RBL1: variants seen among roughly 807,000 people sequenced by gnomAD.
RBL1 encodes the protein RB transcriptional corepressor like 1, also known as retinoblastoma-like protein 1.
Under a neutral mutation model 123.0 loss-of-function variants are expected in RBL1, and 82 were observed. That is an observed-to-expected ratio of 0.67 (90% CI 0.56 to 0.80). The LOEUF is 0.80. RBL1 is among the 30% of genes least tolerant of loss of function. The pLI, the probability that RBL1 is intolerant of heterozygous loss-of-function variation, is 0.00. For missense variants in RBL1, 1,171 were observed against 1,299.6 expected, an observed-to-expected ratio of 0.90 and a Z score of 1.52; for synonymous variants, 405 against 441.3, an observed-to-expected ratio of 0.92 and a Z score of 1.03.
At position 37,079,201 on chromosome 20, in the gene RBL1, GC is replaced by G. The variant is rs1415148170; in HGVS notation, c.290+9787del. On this transcript the variant is annotated intron_variant, in intron 2 of 21. Coordinates refer to ENST00000373664, the MANE Select transcript of RBL1 (RefSeq NM_002895.5). ...TGCCACAGAGTAAGACCCTGTCTCAGCCAAAAAAAAAAAAAAAAAACCCTCA... is the reference window on the plus strand; with the variant it reads ...TGCCACAGAGTAAGACCCTGTCTCAGCAAAAAAAAAAAAAAAAAACCCTCA... Among the ~76,000 whole-genome samples the G allele has an allele frequency of 4.8e-5, 4 of 84,128 alleles. No individual in the cohort carries two copies. The South Asian group carries it at 1.1e-3, about 24-fold the overall frequency. The allele number at this position is 84,128 out of a possible 152,430, so 55.2% of individuals were successfully genotyped here.
At position 37,007,267 on chromosome 20, in the gene RBL1, A is replaced by G. The variant is rs2064090093; in HGVS notation, c.2871+144T>C. The G allele has an allele frequency of 3.1e-5, 26 of 833,998 alleles. No individual in the cohort carries two copies. In the South Asian group the frequency reaches 4.6e-4, roughly 15 times the overall value. The allele number at this position is 833,998 out of a possible 1,614,324, so 51.7% of individuals were successfully genotyped here. A position where few individuals can be genotyped will look rare whatever the true frequency, so the allele number is the denominator to read the frequency against. ...TTTCCTCTGGTCTCTGTTGTACCAT[A>G]GCCTTAATCACTGATTAAGTTACTG... On this transcript the variant is annotated intron_variant, in intron 20 of 21. Coordinates refer to ENST00000373664, the MANE Select transcript of RBL1 (RefSeq NM_002895.5).
intron 12 of RBL1, 100 bp from the exon 13 acceptor site, chr20:37,044,350 T>C (rs937584027): frequency 1.4e-5 from 17 of 1,223,068 alleles, no homozygotes; most frequent in Admixed American, 9.5e-5. Flanking sequence ...TCTTCTTCTT[T>C]TTTTTGAGAC....
intron 19 of RBL1, among the ~76,000 whole-genome samples, chr20:37,011,523 C>CA (rs2064147703): frequency 6.6e-6 from 1 of 151,260 alleles, no homozygotes; most frequent in Admixed American, 6.6e-5. Flanking sequence ...CAACCTCAGC[C>CA]CCCAGGGTTC....
At chr20:37,001,842 T>C (rs1252700677) in intron 21 of RBL1, among the ~76,000 whole-genome samples, 3 of 145,916 alleles carry the variant, frequency 2.1e-5, no homozygotes, top group African/African-American at 7.6e-5. Flanking sequence ...TTTCCTACCC[T>C]GTGAACTAAG....
chr20:37,036,907 G>C (rs921641446), intron 14 of RBL1, among the ~76,000 whole-genome samples: 10 of 152,144 alleles, frequency 6.6e-5, no homozygotes, highest in Admixed American at 3.3e-4. Flanking sequence ...TTACAGGCGT[G>C]AGCCACTGCG....
Position 37,066,866 on chromosome 20 carries a change from TG to T in RBL1, c.703del (p.His235IlefsTer27). On this transcript the variant is annotated frameshift_variant, in exon 6 of 22. Transcript: ENST00000373664. LOFTEE classifies it high-confidence loss of function. ...PSFKGLPSDF[H>X]TADFTASEEP... ...TTCAGAAGCCGTAAAGTCAGCAGTA[TG>T]AAAATCAGATGGTAAACCTAGTTTG... 6.2e-7 allele frequency: 1 copy of T among 1,613,480 alleles called. No individual in the cohort carries two copies. Among genetic ancestry groups the T allele is most frequent in the Non-Finnish European group, 8.5e-7 (1 of 1,179,886 alleles).
At chr20:37,047,640 T>A (rs1350615637) in intron 11 of RBL1, among the ~76,000 whole-genome samples, 1 of 152,032 alleles carries the variant, frequency 6.6e-6, no homozygotes, top group Non-Finnish European at 1.5e-5. Flanking sequence ...TTAATATAAG[T>A]TTTCAGTTTT....
intron 9 of RBL1, among the ~76,000 whole-genome samples, chr20:37,058,802 G>A (rs2065052753): frequency 6.8e-6 from 1 of 148,110 alleles, no homozygotes; most frequent in Non-Finnish European, 1.5e-5. Flanking sequence ...TCGCTCTGTT[G>A]CCCAGGCTAG....
chr20:37,009,034 T>C (rs1321177603), intron 19 of RBL1, among the ~76,000 whole-genome samples: 1 of 152,086 alleles, frequency 6.6e-6, no homozygotes, highest in East Asian at 1.9e-4. Context: ...AAACACTTTT[T>C]TTTTTTTTGA....
intron 11 of RBL1, among the ~76,000 whole-genome samples, chr20:37,050,183 G>T (rs2064885751): frequency 6.6e-6 from 1 of 152,022 alleles, no homozygotes; most frequent in East Asian, 1.9e-4. Context: ...ACATGAAAGA[G>T]AAATGAAAAT....
intron 2 of RBL1, among the ~76,000 whole-genome samples, chr20:37,079,614 A>T (rs958556798): frequency 6.6e-6 from 1 of 151,866 alleles, no homozygotes; most frequent in African/African-American, 2.4e-5. Flanking sequence ...CTACAGGTGC[A>T]TATCACCACA....
At chr20:37,022,385 G>A (rs985046791) in intron 17 of RBL1, among the ~76,000 whole-genome samples, 2 of 152,204 alleles carry the variant, frequency 1.3e-5, no homozygotes, top group African/African-American at 2.4e-5. Flanking sequence ...GAGGTACAGT[G>A]TCATGATCTC....
chr20:37,093,482 T>C (rs188770145), intron 1 of RBL1, among the ~76,000 whole-genome samples: 3 of 151,800 alleles, frequency 2.0e-5, no homozygotes, highest in East Asian at 3.9e-4. Context: ...CCACAAAAAA[T>C]TGAAAAATTA....
chr20:37,078,892 CA>C (rs1656723810), intron 2 of RBL1, among the ~76,000 whole-genome samples: 3 of 145,348 alleles, frequency 2.1e-5, no homozygotes, highest in African/African-American at 7.6e-5. Flanking sequence ...GGGGGGCGGG[CA>C]GGGGGAAGGT....
Position 37,032,889 on chromosome 20 carries a change from G to A in RBL1, c.2171-13C>T. ...TCATTTGCGACACCTGAATGTATAA[G>A]CATTATTAGAAATAATCTGCATATG... On this transcript the variant is annotated splice_polypyrimidine_tract_variant and intron_variant, in intron 15 of 21. Coordinates refer to ENST00000373664, the MANE Select transcript of RBL1 (RefSeq NM_002895.5). 6.2e-7 allele frequency: 1 copy of A among 1,612,928 alleles called. No individual in the cohort carries two copies. The highest frequency in any genetic ancestry group is 2.2e-5 in the East Asian group (1 of 44,830).
At chr20:37,085,470 T>C (rs2146331242) in intron 2 of RBL1, among the ~76,000 whole-genome samples, 1 of 152,114 alleles carries the variant, frequency 6.6e-6, no homozygotes, top group African/African-American at 2.4e-5. Flanking sequence ...GCCTTCTGTA[T>C]TATTTAAAAT....
At position 36,997,996 on chromosome 20, in the gene RBL1, G is replaced by T. The variant is rs1393712580; in HGVS notation, c.*763C>A. The T allele has an allele frequency of 6.6e-6, 1 of 151,984 alleles. No homozygotes were observed. The highest frequency in any genetic ancestry group is 1.5e-5 in the Non-Finnish European group (1 of 68,006). The allele number at this position is 151,984 out of a possible 1,614,324, so 9.4% of individuals were successfully genotyped here. A position where few individuals can be genotyped will look rare whatever the true frequency, so the allele number is the denominator to read the frequency against. On this transcript the variant is annotated 3_prime_UTR_variant, in exon 22 of 22. Coordinates refer to ENST00000373664, the MANE Select transcript of RBL1 (RefSeq NM_002895.5). ...TACCACAGTGGGCCAGAGACAGGAT[G>T]GTATATAACCCTCTGGCCAGGTACT...
chr20:37,071,146 C>T (rs8122525), intron 2 of RBL1, among the ~76,000 whole-genome samples: 1,885 of 152,204 alleles, frequency 0.012, 45 homozygotes, highest in African/African-American at 0.043. Flanking sequence ...CCACCTGCCT[C>T]GGCCTCCCAA....
intron 11 of RBL1, among the ~76,000 whole-genome samples, chr20:37,054,329 G>GA (rs1453128599): frequency 6.6e-6 from 1 of 151,174 alleles, no homozygotes; most frequent in Admixed American, 6.6e-5. Context: ...CTAAAAATAC[G>GA]AAAAAATTAG....
Sources: allele counts gnomAD v4.1 joint callset (sites outside exome capture counted in the v4.1 genomes callset), GRCh38; gene constraint gnomAD v4.1.1; transcripts MANE v1.5; gene names NCBI Gene and HGNC (gene_info 2026-07-23, HGNC 2026-07-21).